RAP1GAP2: variants seen among roughly 807,000 people sequenced by gnomAD.
RAP1GAP2 encodes the protein rap1 GTPase-activating protein 2.
RAP1GAP2 carries 27 observed loss-of-function variants against 95.0 expected under a neutral mutation model. The observed-to-expected ratio is 0.28, with a 90% CI of 0.21 to 0.39. The LOEUF (loss-of-function observed/expected upper bound fraction) is 0.39. Ranked by LOEUF, RAP1GAP2 falls within the 10% of genes least tolerant of loss-of-function variation. The probability of loss-of-function intolerance (pLI) is 1.00; values close to 1 mark genes in which losing one functional copy is unlikely to be tolerated. For synonymous variants in RAP1GAP2, 373 were observed against 380.9 expected, an observed-to-expected ratio of 0.98 and a Z score of 0.24; for missense variants, 771 against 970.0, an observed-to-expected ratio of 0.79 and a Z score of 2.72.
intron 2 of RAP1GAP2, among the ~76,000 whole-genome samples, chr17:2,841,799 GAC>G (rs888682714): frequency 1.3e-5 from 2 of 152,160 alleles, no homozygotes; most frequent in African/African-American, 2.4e-5. Flanking sequence ...AGAAGTCTCA[GAC>G]ACAGCGCAGA....
chr17:3,013,712 T>C (rs554802933), intron 17 of RAP1GAP2, among the ~76,000 whole-genome samples: 2 of 143,702 alleles, frequency 1.4e-5, no homozygotes, highest in African/African-American at 5.1e-5. Flanking sequence ...ACCAGTTGAA[T>C]TGTATTTTCA....
At chr17:2,773,885 G>A (rs2068444076), upstream of RAP1GAP2, among the ~76,000 whole-genome samples, 1 of 151,678 alleles carries the variant, frequency 6.6e-6, no homozygotes, top group Non-Finnish European at 1.5e-5. Context: ...AGCCTCCCGA[G>A]TAGCTGGGAT....
At position 3,003,236 on chromosome 17, in the gene RAP1GAP2, C is replaced by T. The variant is rs931476477; in HGVS notation, c.1201-2133C>T. On this transcript the variant is annotated intron_variant, in intron 14 of 24. Coordinates refer to ENST00000254695, the MANE Select transcript of RAP1GAP2 (RefSeq NM_015085.5). This position sits in a 1 kb window ranked among gnomAD's most constrained non-coding sequence, Gnocchi z 4.1. Reference sequence around the variant, plus strand: ...TTGGTCATTGAGCCATCAGAGCAGGCGAGAAATTGGCTCCACGGAGTCGGG... The same window carrying T: ...TTGGTCATTGAGCCATCAGAGCAGGTGAGAAATTGGCTCCACGGAGTCGGG... 1.4e-4 allele frequency among the ~76,000 whole-genome samples: 21 copies of T among 152,062 alleles called. No homozygotes were observed. The highest frequency in any genetic ancestry group is 8.3e-4 in the South Asian group (4 of 4,826).
chr17:2,830,586 C>A (rs1021570546), intron 2 of RAP1GAP2, among the ~76,000 whole-genome samples: 1 of 151,274 alleles, frequency 6.6e-6, no homozygotes. Context: ...TGGTGGCGGG[C>A]GCCTGTAGTC....
chr17:2,821,981 T>C (rs566472911), intron 2 of RAP1GAP2, among the ~76,000 whole-genome samples: 2 of 152,218 alleles, frequency 1.3e-5, no homozygotes, highest in Non-Finnish European at 2.9e-5. Flanking sequence ...CCAGAAGGCA[T>C]CTGAACCGCA....
intron 3 of RAP1GAP2, among the ~76,000 whole-genome samples, chr17:2,927,325 T>C (rs564014578): frequency 6.6e-6 from 1 of 151,430 alleles, no homozygotes. Context: ...GGCTAATTTT[T>C]TGTATTTTTA....
At chr17:2,912,995 C>T (rs1470681915) in intron 3 of RAP1GAP2, among the ~76,000 whole-genome samples, 1 of 152,000 alleles carries the variant, frequency 6.6e-6, no homozygotes, top group African/African-American at 2.4e-5. Flanking sequence ...CTGGGCAACA[C>T]AGTGAGACCC....
intron 2 of RAP1GAP2, among the ~76,000 whole-genome samples, chr17:2,891,567 A>T (rs1012508839): frequency 2.3e-4 from 33 of 146,554 alleles, no homozygotes; most frequent in African/African-American, 7.1e-4. Flanking sequence ...CCCCCAGGAG[A>T]TCTCACTTCC....
chr17:2,972,483 C>G (rs1396524264), intron 8 of RAP1GAP2, among the ~76,000 whole-genome samples: 3 of 151,430 alleles, frequency 2.0e-5, no homozygotes, highest in Non-Finnish European at 4.4e-5. Flanking sequence ...GAAACCCTGT[C>G]TCTACTAATA....
At chr17:2,958,421 G>A (rs2044197977) in intron 4 of RAP1GAP2, among the ~76,000 whole-genome samples, 1 of 152,040 alleles carries the variant, frequency 6.6e-6, no homozygotes. Flanking sequence ...CTGCTGCCCT[G>A]GGGAGTATGT....
At position 2,780,113 on chromosome 17, in the gene RAP1GAP2, C is replaced by T. The variant is rs139111930; in HGVS notation, c.-14+2835C>T. ...TTGTCCAGGCTGGAGTGCAGTGGCG[C>T]GATCTCGGCTCACCGCAACCTCCGC... On this transcript the variant is annotated intron_variant, in intron 1 of 24. Transcript: ENST00000540393. 5.6e-4 allele frequency among the ~76,000 whole-genome samples: 86 copies of T among 152,282 alleles called. 2 individuals carry two copies. In the East Asian group the frequency reaches 0.011, roughly 19 times the overall value.
chr17:2,761,979 CTTTTTTTTTT>C (rs901487276), intron 1 of RAP1GAP2, among the ~76,000 whole-genome samples: 3 of 77,746 alleles, frequency 3.9e-5, no homozygotes, highest in South Asian at 5.9e-4. Context: ...GTTTATATAT[CTTTTTTTTTT>C]TTTTTTTTTT....
intron 2 of RAP1GAP2, among the ~76,000 whole-genome samples, chr17:2,879,939 C>T (rs1215315505): frequency 6.6e-6 from 1 of 152,078 alleles, no homozygotes; most frequent in Non-Finnish European, 1.5e-5. Flanking sequence ...CAAGAGACCG[C>T]AGGGTCCTTC....
intron 3 of RAP1GAP2, among the ~76,000 whole-genome samples, chr17:2,933,768 G>T (rs1567794480): frequency 6.6e-6 from 1 of 152,192 alleles, no homozygotes; most frequent in East Asian, 1.9e-4. Context: ...CTTTTTTCCA[G>T]TTCCCCCACT....
At chr17:3,015,789 C>T (rs906750589) in intron 17 of RAP1GAP2, among the ~76,000 whole-genome samples, 1 of 151,618 alleles carries the variant, frequency 6.6e-6, no homozygotes, top group African/African-American at 2.4e-5. Flanking sequence ...ACGCTGTACT[C>T]CAGCCTGGGT....
intron 3 of RAP1GAP2, among the ~76,000 whole-genome samples, chr17:2,942,870 C>T (rs542859206): frequency 3.3e-5 from 5 of 152,174 alleles, no homozygotes; most frequent in South Asian, 4.2e-4. Flanking sequence ...TGAGTTCAAA[C>T]GATTCTCCTG....
At chr17:2,955,680 C>T (rs566108297) in intron 3 of RAP1GAP2, among the ~76,000 whole-genome samples, 1 of 152,164 alleles carries the variant, frequency 6.6e-6, no homozygotes, top group East Asian at 1.9e-4. Flanking sequence ...CTTCGTGCGT[C>T]GTTTTTTTGA....
chr17:2,833,207 A>G (rs2070970984), intron 2 of RAP1GAP2, among the ~76,000 whole-genome samples: 1 of 148,286 alleles, frequency 6.7e-6, no homozygotes, highest in Non-Finnish European at 1.5e-5. Flanking sequence ...CAGTGGTGCA[A>G]TCTCGGTTCA....
rs751913989 is a variant in RAP1GAP2 at position 3,004,506 on chromosome 17, C to T, written c.1201-863C>T. ...GGGCAGTCTCCCGAGAGCCTCACAG[C>T]CTCGTGGGCTGAGAATAGGTGAAGT... is the stretch of plus-strand genomic sequence containing the variant. On this transcript the variant is annotated intron_variant, in intron 14 of 24. Transcript: ENST00000254695. The surrounding 1 kb of genome is among the most constrained non-coding windows in gnomAD (Gnocchi z 4.1). Among the ~76,000 whole-genome samples the T allele has an allele frequency of 3.3e-5, 5 of 152,208 alleles. No individual in the cohort carries two copies. The highest frequency in any genetic ancestry group is 7.3e-5 in the Non-Finnish European group (5 of 68,030).
Sources: allele counts gnomAD v4.1 joint callset (sites outside exome capture counted in the v4.1 genomes callset), GRCh38; gene constraint gnomAD v4.1.1; non-coding constraint Gnocchi (gnomAD v3.1); transcripts MANE v1.5; gene names NCBI Gene and HGNC (gene_info 2026-07-23, HGNC 2026-07-21).